CLSTN2: variants seen among roughly 807,000 people sequenced by gnomAD.
The protein encoded by CLSTN2 is calsyntenin-2.
In CLSTN2, 48 loss-of-function variants were observed where a neutral mutation model predicts 101.2. The observed-to-expected ratio is 0.47, with a 90% CI of 0.38 to 0.60. The LOEUF is 0.60. Among genes scored for constraint, CLSTN2 ranks in the 20% least tolerant of loss-of-function variants. The pLI is 0.00. For missense variants in CLSTN2, 1,160 were observed against 1,238.2 expected (o/e 0.94, Z 0.95); for synonymous variants, 481 against 463.6 (o/e 1.04, Z -0.48).
At chr3:140,194,703 G>A (rs1431372107) in intron 2 of CLSTN2, among the ~76,000 whole-genome samples, 1 of 152,126 alleles carries the variant, frequency 6.6e-6, no homozygotes, top group African/African-American at 2.4e-5. Flanking sequence ...GCTAACTGGA[G>A]GTAGAATTCC....
chr3:140,538,342 G>A (rs1935398431), intron 9 of CLSTN2, among the ~76,000 whole-genome samples: 2 of 152,160 alleles, frequency 1.3e-5, no homozygotes, highest in African/African-American at 4.8e-5. Context: ...TAACAAATAA[G>A]GCAGCAGGAT....
intron 2 of CLSTN2, among the ~76,000 whole-genome samples, chr3:140,326,578 T>G (rs770718040): frequency 6.6e-6 from 1 of 152,230 alleles, no homozygotes; most frequent in African/African-American, 2.4e-5. Context: ...ATGGCGTATT[T>G]AATATTCAAG....
chr3:140,262,255 C>T (rs979387268), intron 2 of CLSTN2, among the ~76,000 whole-genome samples: 3 of 152,136 alleles, frequency 2.0e-5, no homozygotes, highest in Admixed American at 2.0e-4. Flanking sequence ...CAATCAAGCT[C>T]AGCATGTGAG....
At chr3:140,130,363 A>G (rs2107803770) in intron 1 of CLSTN2, among the ~76,000 whole-genome samples, 1 of 152,316 alleles carries the variant, frequency 6.6e-6, no homozygotes, top group African/African-American at 2.4e-5. Context: ...TGTTAGCTTA[A>G]GAACATGTTA....
chr3:140,353,124 T>C (rs938950002), intron 2 of CLSTN2, among the ~76,000 whole-genome samples: 1 of 151,972 alleles, frequency 6.6e-6, no homozygotes, highest in Non-Finnish European at 1.5e-5. Context: ...GCATAGGTTA[T>C]ATGCAAATAC....
At chr3:139,957,777 C>T (rs754497786) in intron 1 of CLSTN2, among the ~76,000 whole-genome samples, 2 of 152,166 alleles carry the variant, frequency 1.3e-5, no homozygotes, top group Non-Finnish European at 2.9e-5. Flanking sequence ...AGTTTGGGCA[C>T]AAGCTAAGAC....
chr3:140,260,594 A>T (rs1164951098), intron 2 of CLSTN2, among the ~76,000 whole-genome samples: 1 of 151,862 alleles, frequency 6.6e-6, no homozygotes, highest in African/African-American at 2.4e-5. Context: ...TACAGTTTTC[A>T]TATACCCCAT....
intron 1 of CLSTN2, among the ~76,000 whole-genome samples, chr3:140,022,375 T>C (rs1011847842): frequency 4.6e-5 from 7 of 152,192 alleles, no homozygotes; most frequent in African/African-American, 1.7e-4. Flanking sequence ...CTGGGACAAG[T>C]TCACATGCGA....
chr3:140,330,718 A>G (rs2087375070), intron 2 of CLSTN2, among the ~76,000 whole-genome samples: 1 of 152,226 alleles, frequency 6.6e-6, no homozygotes, highest in African/African-American at 2.4e-5. Context: ...CCTGACAAAA[A>G]AGCCAAATAG....
chr3:140,060,173 G>T (rs539215140), intron 1 of CLSTN2, among the ~76,000 whole-genome samples: 1 of 152,274 alleles, frequency 6.6e-6, no homozygotes, highest in East Asian at 1.9e-4. Context: ...TTCTTGCATC[G>T]TTATGCCTTT....
intron 2 of CLSTN2, among the ~76,000 whole-genome samples, chr3:140,303,086 G>A (rs1357086093): frequency 6.6e-6 from 1 of 152,196 alleles, no homozygotes; most frequent in Non-Finnish European, 1.5e-5. Context: ...GAGAAATGCT[G>A]ACAGGAAAAC....
intron 1 of CLSTN2, among the ~76,000 whole-genome samples, chr3:140,015,620 G>A (rs1048553738): frequency 2.0e-5 from 3 of 152,222 alleles, no homozygotes; most frequent in Admixed American, 2.0e-4. Context: ...CTAGTTGGAG[G>A]AACATCATGG....
At chr3:140,533,823 C>T (rs934221184) in intron 9 of CLSTN2, among the ~76,000 whole-genome samples, 1 of 151,870 alleles carries the variant, frequency 6.6e-6, no homozygotes, top group African/African-American at 2.4e-5. Flanking sequence ...ATGGGCAGCT[C>T]CATGTAAAAG....
At chr3:140,144,061 G>T (rs2009743518) in intron 1 of CLSTN2, among the ~76,000 whole-genome samples, 1 of 152,230 alleles carries the variant, frequency 6.6e-6, no homozygotes, top group Non-Finnish European at 1.5e-5. Context: ...TTGTGAGAGA[G>T]ATGCGCTAGC....
At chr3:140,364,985 C>T (rs1253612984) in intron 2 of CLSTN2, among the ~76,000 whole-genome samples, 4 of 152,062 alleles carry the variant, frequency 2.6e-5, no homozygotes, top group Non-Finnish European at 4.4e-5. Flanking sequence ...CTGGGGGAGC[C>T]CAGGTGCTGA....
intron 5 of CLSTN2, among the ~76,000 whole-genome samples, chr3:140,434,323 A>G (rs115738618): frequency 0.016 from 2,492 of 152,062 alleles, 64 homozygotes; most frequent in African/African-American, 0.056. Context: ...TGGAGCATTG[A>G]CCCCACCCTA....
chr3:140,215,249 C>T (rs1406176460), intron 2 of CLSTN2, among the ~76,000 whole-genome samples: 2 of 152,158 alleles, frequency 1.3e-5, no homozygotes, highest in African/African-American at 2.4e-5. Flanking sequence ...CTCTCTTCCT[C>T]TTCAATCCTT....
intron 2 of CLSTN2, among the ~76,000 whole-genome samples, chr3:140,268,073 G>A (rs1252326635): frequency 2.0e-5 from 3 of 152,166 alleles, no homozygotes; most frequent in African/African-American, 7.2e-5. Context: ...TTAGTGCCAA[G>A]CTCTGAGCTT....
intron 2 of CLSTN2, among the ~76,000 whole-genome samples, chr3:140,196,493 T>C (rs2010644968): frequency 6.6e-6 from 1 of 152,238 alleles, no homozygotes; most frequent in Non-Finnish European, 1.5e-5. Flanking sequence ...ACTTGCTGTT[T>C]CCAGGGGAGA....
Sources: gnomAD v4.1 joint callset for allele counts (sites outside exome capture counted in the v4.1 genomes callset) on GRCh38, gnomAD v4.1.1 for gene constraint, MANE v1.5 for transcripts, NCBI Gene and HGNC (gene_info 2026-07-23, HGNC 2026-07-21) for gene names.